Variants in CDH1 observed in about 807,000 individuals in gnomAD.
CDH1 encodes the protein cadherin 1, also known as cadherin-1.
A neutral mutation model predicts 84.5 loss-of-function variants in CDH1; 35 were observed. The observed-to-expected ratio is 0.41, with a 90% CI of 0.32 to 0.55. The LOEUF (loss-of-function observed/expected upper bound fraction) is 0.55, where lower values mean the gene tolerates loss of function less well. Among genes scored for constraint, CDH1 ranks in the 20% least tolerant of loss-of-function variants. The pLI is 0.19. For synonymous variants in CDH1, 417 were observed against 439.0 expected (o/e 0.95, Z 0.63); for missense variants, 994 against 1,126.6 (o/e 0.88, Z 1.68).
At chr16:68,773,766 G>A (rs1355049541) in intron 2 of CDH1, among the ~76,000 whole-genome samples, 2 of 152,232 alleles carry the variant, frequency 1.3e-5, no homozygotes, top group Non-Finnish European at 2.9e-5. Flanking sequence ...AGGTGGCACA[G>A]CCAAGATTTA....
At position 68,823,205 on chromosome 16, in the gene CDH1, C is replaced by T. The variant is rs530238068; in HGVS notation, c.1937-194C>T. ...CCAACTCTAGAGCCCTCTCCCAAGC[C>T]TTAGACCAAATGGAAATAAAGCTTT... is the stretch of plus-strand genomic sequence containing the variant. On this transcript the variant is annotated intron_variant, in intron 12 of 15. Transcript: ENST00000261769. 86 of 583,636 alleles carry T rather than the reference C, an allele frequency of 1.5e-4. No individual in the cohort carries two copies. The African/African-American group carries it at 1.5e-3, about 10-fold the overall frequency. The allele number at this position is 583,636 out of a possible 1,614,324, so 36.2% of individuals were successfully genotyped here. A position where few individuals can be genotyped will look rare whatever the true frequency, so the allele number is the denominator to read the frequency against.
chr16:68,759,317 G>A (rs117936939), intron 2 of CDH1, among the ~76,000 whole-genome samples: 5 of 152,172 alleles, frequency 3.3e-5, no homozygotes, highest in Non-Finnish European at 5.9e-5. Context: ...GGGCAACATA[G>A]CAAGACCCCC....
intron 2 of CDH1, among the ~76,000 whole-genome samples, chr16:68,762,912 C>CAAAAAAAAAAA (rs55899466): frequency 1.6e-5 from 1 of 61,464 alleles, no homozygotes; most frequent in Non-Finnish European, 2.7e-5. Context: ...GATTCCGTCT[C>CAAAAAAAAAAA]AAAAAAAAAA....
intron 2 of CDH1, among the ~76,000 whole-genome samples, chr16:68,777,029 T>G (rs924584633): frequency 6.6e-6 from 1 of 152,152 alleles, no homozygotes; most frequent in African/African-American, 2.4e-5. Flanking sequence ...GTCCCAAGCT[T>G]GTGTTTGTTG....
chr16:68,819,367 G>A lies in CDH1; in HGVS notation c.1653G>A (p.Glu551=), dbSNP rs2152136921. Residue 551 remains glutamate (E), a synonymous_variant, in exon 11 of 16, where the codon GAG becomes GAA. Transcript: ENST00000261769. ...CCACTCGGGCTGAGCTGGACAGGGA[G>A]GATTTTGAGCACGTGAAGAACAGCA... ...AISTRAELDR[E]DFEHVKNSTY... The A allele has an allele frequency of 1.2e-6, 2 of 1,614,060 alleles. No homozygotes were observed. Among genetic ancestry groups the A allele is most frequent in the Non-Finnish European group, 1.7e-6 (2 of 1,180,038 alleles).
intron 2 of CDH1, among the ~76,000 whole-genome samples, chr16:68,739,576 G>A (rs1962504120): frequency 6.8e-6 from 1 of 147,372 alleles, no homozygotes; most frequent in Non-Finnish European, 1.5e-5. Flanking sequence ...AAAACATCTT[G>A]ATACAGGTAC....
intron 2 of CDH1, among the ~76,000 whole-genome samples, chr16:68,763,838 T>G (rs1428479843): frequency 1.3e-5 from 2 of 152,154 alleles, no homozygotes; most frequent in Non-Finnish European, 2.9e-5. Flanking sequence ...CCCCTAGAGA[T>G]TCTGATGTTT....
chr16:68,748,086 TA>T (rs1432323626), intron 2 of CDH1, among the ~76,000 whole-genome samples: 5 of 129,400 alleles, frequency 3.9e-5, no homozygotes, highest in African/African-American at 1.2e-4. Context: ...TTTTAATTTT[TA>T]AAAAAATTTT....
At chr16:68,796,487 G>T (rs1246400896) in intron 2 of CDH1, among the ~76,000 whole-genome samples, 1 of 152,182 alleles carries the variant, frequency 6.6e-6, no homozygotes, top group East Asian at 1.9e-4. Context: ...GAGAAGAAAC[G>T]GGATCGTCAA....
At chr16:68,753,527 C>T (rs1428743097) in intron 2 of CDH1, among the ~76,000 whole-genome samples, 1 of 151,680 alleles carries the variant, frequency 6.6e-6, no homozygotes, top group Non-Finnish European at 1.5e-5. Flanking sequence ...TTAATAGACA[C>T]GGGGTTTCAC....
intron 10 of CDH1, among the ~76,000 whole-genome samples, chr16:68,818,635 T>A (rs1735248060): frequency 6.7e-6 from 1 of 148,806 alleles, no homozygotes; most frequent in African/African-American, 2.5e-5. Context: ...GATCATGAGG[T>A]CAGGAGATCG....
rs1041650793 is a variant in CDH1 at position 68,833,720 on chromosome 16, T to C, written c.*221T>C. On this transcript the variant is annotated 3_prime_UTR_variant, in exon 16 of 16. Coordinates refer to ENST00000261769, the MANE Select transcript of CDH1 (RefSeq NM_004360.5). ...TTATTTCTTAAAGCTTTTTTTTTTT[T>C]CCCATCACTCTTTACATGGTGGTGA... The C allele has an allele frequency of 6.9e-5, 38 of 549,534 alleles. No individual in the cohort carries two copies. The highest frequency in any genetic ancestry group is 1.9e-4 in the Admixed American group (6 of 32,312). The allele number at this position is 549,534 out of a possible 1,614,324, so 34.0% of individuals were successfully genotyped here.
intron 9 of CDH1, 75 bp downstream of exon 9, chr16:68,813,570 CT>C: frequency 6.9e-7 from 1 of 1,444,026 alleles, no homozygotes; most frequent in Non-Finnish European, 9.8e-7. Context: ...CTGGTATCTT[CT>C]TAGAAGTAGA....
intron 2 of CDH1, among the ~76,000 whole-genome samples, chr16:68,772,233 C>T (rs1373215302): frequency 2.0e-5 from 3 of 152,306 alleles, no homozygotes; most frequent in East Asian, 1.9e-4. Flanking sequence ...ACCACCTAAT[C>T]GGGCAGGCCT....
At chr16:68,783,385 T>A in intron 2 of CDH1, among the ~76,000 whole-genome samples, 1 of 118,446 alleles carries the variant, frequency 8.4e-6, no homozygotes, top group Admixed American at 9.8e-5. Context: ...TGACAGAGTA[T>A]CTCAAAAAAA....
chr16:68,789,824 C>T (rs1391168942), intron 2 of CDH1, among the ~76,000 whole-genome samples: 1 of 152,180 alleles, frequency 6.6e-6, no homozygotes, highest in Non-Finnish European at 1.5e-5. Context: ...CTTTGGGAGG[C>T]TGAGGCGGGC....
rs1962936309 is a variant in CDH1, at chr16:68,753,353, T to G, written c.163+14942T>G. 7.9e-5 allele frequency among the ~76,000 whole-genome samples: 12 copies of G among 151,896 alleles called. No individual in the cohort carries two copies. The South Asian group carries it at 2.5e-3, about 32-fold the overall frequency. ...CAACATCTTGTAAATCTTTTTTTTT[T>G]CTTATTTTCTTGAGAGGGAGTCTCC... On this transcript the variant is annotated intron_variant, in intron 2 of 15. Transcript: ENST00000261769.
intron 12 of CDH1, chr16:68,823,050 C>A: frequency 3.4e-6 from 1 of 294,620 alleles, no homozygotes; most frequent in Non-Finnish European, 6.4e-6. Flanking sequence ...CACAGGCCAG[C>A]CGGCCTCCAG....
intron 2 of CDH1, among the ~76,000 whole-genome samples, chr16:68,758,126 CT>C (rs1192001543): frequency 6.9e-6 from 1 of 145,788 alleles, no homozygotes. Context: ...AAGTTTCTTT[CT>C]TTTTTTTCAA....
Sources: gnomAD v4.1 joint callset for allele counts (sites outside exome capture counted in the v4.1 genomes callset) on GRCh38, gnomAD v4.1.1 for gene constraint, MANE v1.5 for transcripts, NCBI Gene and HGNC (gene_info 2026-07-23, HGNC 2026-07-21) for gene names.